ARRDC1: variants seen among roughly 807,000 people sequenced by gnomAD.
ARRDC1 encodes the protein arrestin domain-containing protein 1.
In ARRDC1, 37 loss-of-function variants were observed where a neutral mutation model predicts 40.1. That is an observed-to-expected ratio of 0.92 (90% CI 0.71 to 1.21). ARRDC1 has a LOEUF of 1.21. Ranked by LOEUF, ARRDC1 falls within the 50% of genes most tolerant of loss-of-function variation. The pLI, the probability that ARRDC1 is intolerant of heterozygous loss-of-function variation, is 0.00. For synonymous variants in ARRDC1, 310 were observed against 262.5 expected, an observed-to-expected ratio of 1.18 and a Z score of -1.75; for missense variants, 641 against 581.9, an observed-to-expected ratio of 1.10 and a Z score of -1.04.
chr9:137,609,370 G>T (rs1344245345), intron 1 of ARRDC1, among the ~76,000 whole-genome samples: 1 of 152,124 alleles, frequency 6.6e-6, no homozygotes, highest in Non-Finnish European at 1.5e-5. Flanking sequence ...GAGTAGCTGG[G>T]ACTACAGGCA....
chr9:137,613,425 G>A, intron 2 of ARRDC1, 35 bp from the exon 3 acceptor site: 2 of 1,603,352 alleles, frequency 1.2e-6, no homozygotes, highest in Non-Finnish European at 1.7e-6. Flanking sequence ...CACCTCAGGG[G>A]GGGACTGCCC....
intron 4 of ARRDC1, 29 bp downstream of exon 4, chr9:137,613,798 G>A: frequency 6.2e-7 from 1 of 1,612,660 alleles, no homozygotes; most frequent in Non-Finnish European, 8.5e-7. Context: ...CCTCCTTGGT[G>A]GGTCCCCACC....
At chr9:137,613,205 T>G in intron 2 of ARRDC1, 199 bp downstream of exon 2, 2 of 738,268 alleles carry the variant, frequency 2.7e-6, no homozygotes, top group South Asian at 3.0e-5. Context: ...TTGTGCTGGA[T>G]TTGGGTGGGC....
At chr9:137,613,047 G>A (rs1306424857) in intron 2 of ARRDC1, 41 bp downstream of exon 2, 6 of 1,492,328 alleles carry the variant, frequency 4.0e-6, no homozygotes, top group African/African-American at 2.8e-5. Flanking sequence ...ACCCCTGGGG[G>A]CAGCCCTTGG....
At position 137,614,866 on chromosome 9, in the gene ARRDC1, A is replaced by C; in HGVS notation, c.1103A>C (p.His368Pro). The change falls in exon 7 of 8, where the codon CAC becomes CCC. Residue 368 changes from histidine to proline, a missense_variant. By Grantham distance (77) the His-to-Pro change is moderately conservative. Coordinates refer to ENST00000371421, the MANE Select transcript of ARRDC1 (RefSeq NM_152285.4). ...PCPQDGSPAS[H>P]PLHPPLCIST... ...CCTCAGGATGGCAGCCCTGCCTCACACCCGCTGCACCCTCCCTTGTGCATT... is the reference window on the plus strand; with the variant it reads ...CCTCAGGATGGCAGCCCTGCCTCACCCCCGCTGCACCCTCCCTTGTGCATT... 3.1e-6 allele frequency: 5 copies of C among 1,613,296 alleles called. No individual in the cohort carries two copies. The highest frequency in any genetic ancestry group is 4.2e-6 in the Non-Finnish European group (5 of 1,179,918).
intron 1 of ARRDC1, among the ~76,000 whole-genome samples, chr9:137,607,054 A>T (rs998336598): frequency 6.6e-6 from 1 of 152,234 alleles, no homozygotes; most frequent in African/African-American, 2.4e-5. Context: ...CACTTTGGGC[A>T]GCTGGCCCAA....
intron 1 of ARRDC1, chr9:137,612,628 A>G (rs944261380): frequency 1.5e-5 from 6 of 389,714 alleles, no homozygotes; most frequent in Non-Finnish European, 2.8e-5. Context: ...CATCATCTGG[A>G]TGAGCGTTGG....
chr9:137,612,355 G>A (rs991856759), intron 1 of ARRDC1: 3 of 159,272 alleles, frequency 1.9e-5, no homozygotes, highest in Non-Finnish European at 2.7e-5. Flanking sequence ...GGCAGTGCTC[G>A]CCCAGGAAGT....
chr9:137,608,396 C>T (rs1842459900), intron 1 of ARRDC1, among the ~76,000 whole-genome samples: 1 of 152,260 alleles, frequency 6.6e-6, no homozygotes, highest in South Asian at 2.1e-4. Context: ...GACTAGGGGA[C>T]TGCCACTGAG....
rs974253000 is a variant in ARRDC1, at chr9:137,613,374, G to A, written c.230-86G>A. The A allele has an allele frequency of 1.7e-5, 25 of 1,443,220 alleles. No homozygotes were observed. In the African/African-American group the frequency reaches 2.7e-4, roughly 15 times the overall value. The allele number at this position is 1,443,220 out of a possible 1,614,324, so 89.4% of individuals were successfully genotyped here. A position where few individuals can be genotyped will look rare whatever the true frequency, so the allele number is the denominator to read the frequency against. ...GAGACCCAGTGTGAGCTGGTCAGCT[G>A]CAGTGCCCACTCTTATCCTGGCCCT... On this transcript the variant is annotated intron_variant, in intron 2 of 7. Coordinates refer to ENST00000371421, the MANE Select transcript of ARRDC1 (RefSeq NM_152285.4).
chr9:137,607,180 A>G (rs1842438581), intron 1 of ARRDC1, among the ~76,000 whole-genome samples: 4 of 152,246 alleles, frequency 2.6e-5, no homozygotes, highest in Non-Finnish European at 4.4e-5. Flanking sequence ...GCCAGAGAGC[A>G]CATGATTCAG....
intron 1 of ARRDC1, among the ~76,000 whole-genome samples, chr9:137,610,607 A>G (rs544982403): frequency 1.3e-5 from 2 of 149,938 alleles, no homozygotes; most frequent in East Asian, 3.9e-4. Flanking sequence ...CTTGTTGCTC[A>G]GGCTGGAGTG....
intron 1 of ARRDC1, among the ~76,000 whole-genome samples, chr9:137,606,223 C>T (rs1407333158): frequency 6.6e-6 from 1 of 152,058 alleles, no homozygotes. Context: ...GGCGTGCGGT[C>T]CCGGCGGGGT....
intron 1 of ARRDC1, among the ~76,000 whole-genome samples, chr9:137,606,549 C>T (rs982276989): frequency 5.3e-5 from 8 of 152,248 alleles, no homozygotes; most frequent in African/African-American, 1.9e-4. Flanking sequence ...GCGTGGGTAA[C>T]AGCACCGATT....
In ARRDC1 at chr9:137,614,573, G is replaced by A. The variant is rs775131898; in HGVS notation, c.810G>A (p.Ala270=). 3.6e-5 allele frequency: 58 copies of A among 1,612,976 alleles called. No homozygotes were observed. The highest frequency in any genetic ancestry group is 4.6e-5 in the Non-Finnish European group (54 of 1,179,916). ...IDYYLQVSLK[A]PEATVTLPVF... ...ATCCTGTCCAGGTCTCTCTGAAGGCGCCGGAAGCTACTGTGACCCTCCCGG... is the reference window on the plus strand; with the variant it reads ...ATCCTGTCCAGGTCTCTCTGAAGGCACCGGAAGCTACTGTGACCCTCCCGG... Residue 270 remains alanine, a synonymous_variant, in exon 7 of 8, where the codon GCG becomes GCA. Transcript: ENST00000371421.
At chr9:137,611,137 G>A (rs1842508524) in intron 1 of ARRDC1, among the ~76,000 whole-genome samples, 2 of 152,220 alleles carry the variant, frequency 1.3e-5, no homozygotes, top group Admixed American at 1.3e-4. Flanking sequence ...TCATGCCCAT[G>A]TGCTTCTGTT....
At chr9:137,613,381 CCA>C (rs1842576241) in intron 2 of ARRDC1, 77 bp from the exon 3 acceptor site, 1 of 1,497,240 alleles carries the variant, frequency 6.7e-7, no homozygotes, top group Non-Finnish European at 9.1e-7. Context: ...GCTGCAGTGC[CCA>C]CTCTTATCCT....
Position 137,605,692 on chromosome 9 carries a change from G to C in ARRDC1, c.-26G>C. On this transcript the variant is annotated 5_prime_UTR_variant, in exon 1 of 8. Coordinates refer to ENST00000371421, the MANE Select transcript of ARRDC1 (RefSeq NM_152285.4). The stretch of plus-strand genomic sequence containing the variant: ...GCGGGCGGCGGGCGGGGGCGTCGCT[G>C]CGCGGCTGGCCGGTGAGGCCGCGGC... 7.6e-7 allele frequency: 1 copy of C among 1,316,518 alleles called. No homozygotes were observed. The highest frequency in any genetic ancestry group is 1.9e-5 in the South Asian group (1 of 53,628). 81.6% of individuals were successfully genotyped at this position (1,316,518 alleles called of 1,614,324 possible). A position where few individuals can be genotyped will look rare whatever the true frequency, so the allele number is the denominator to read the frequency against.
In ARRDC1 at chr9:137,608,794, C is replaced by T. The variant is rs573936365; in HGVS notation, c.118+2959C>T. The stretch of plus-strand genomic sequence containing the variant: ...TGGCAGCTGTGCGGGAGCCCCTTGC[C>T]TCCCGTGTTCTTACTGAGGAGTGTG... On this transcript the variant is annotated intron_variant, in intron 1 of 7. Coordinates refer to ENST00000371421, the MANE Select transcript of ARRDC1 (RefSeq NM_152285.4). Among the ~76,000 whole-genome samples the T allele has an allele frequency of 1.3e-4, 20 of 152,342 alleles. No individual in the cohort carries two copies. The South Asian group carries it at 4.1e-3, about 32-fold the overall frequency.
Sources: allele counts gnomAD v4.1 joint callset (sites outside exome capture counted in the v4.1 genomes callset), GRCh38; gene constraint gnomAD v4.1.1; transcripts MANE v1.5; gene names NCBI Gene and HGNC (gene_info 2026-07-23, HGNC 2026-07-21).